The following NPSR1 variants were observed in gnomAD, a reference collection of about 807,000 sequenced individuals.
NPSR1 encodes the protein neuropeptide S receptor 1, also known as neuropeptide S receptor.
In NPSR1, 48 loss-of-function variants were observed where a neutral mutation model predicts 46.9. That is an observed-to-expected ratio of 1.02 (90% CI 0.81 to 1.30). The LOEUF (loss-of-function observed/expected upper bound fraction) is 1.30, where lower values mean the gene tolerates loss of function less well. Among genes scored for constraint, NPSR1 ranks in the 50% most tolerant of loss-of-function variants. NPSR1 has a pLI of 0.00. For synonymous variants in NPSR1, 176 were observed against 168.1 expected (o/e 1.05, Z -0.36); for missense variants, 450 against 449.5 (o/e 1.00, Z -0.01).
intron 2 of NPSR1, among the ~76,000 whole-genome samples, chr7:34,696,320 G>T (rs186487692): frequency 1.3e-5 from 2 of 152,166 alleles, no homozygotes; most frequent in Middle Eastern, 3.4e-3. Context: ...AGAGAGAAAG[G>T]TGGGAGGTGA....
chr7:34,815,352 C>T (rs1056191114), intron 4 of NPSR1, among the ~76,000 whole-genome samples: 28 of 151,956 alleles, frequency 1.8e-4, no homozygotes, highest in African/African-American at 6.3e-4. Flanking sequence ...TGAAATAAAG[C>T]GAGAAGACAT....
At chr7:34,827,945 T>C (rs1419868) in intron 5 of NPSR1, among the ~76,000 whole-genome samples, 97,646 of 152,130 alleles carry the variant, frequency 0.64, 33,031 homozygotes, top group African/African-American at 0.86. Context: ...AAGTAACTTA[T>C]TCAACATCAA....
chr7:34,814,536 C>T (rs1289088284), intron 4 of NPSR1, among the ~76,000 whole-genome samples: 2 of 152,240 alleles, frequency 1.3e-5, no homozygotes, highest in Non-Finnish European at 2.9e-5. Context: ...CTGAAGAGCA[C>T]AGTGGTTCTT....
chr7:34,747,469 A>C (rs988428978), intron 2 of NPSR1, among the ~76,000 whole-genome samples: 1 of 152,246 alleles, frequency 6.6e-6, no homozygotes, highest in African/African-American at 2.4e-5. Context: ...CTTTGTGACA[A>C]AGCCCGTGGC....
intron 1 of NPSR1, among the ~76,000 whole-genome samples, chr7:34,683,765 A>G (rs1792780615): frequency 6.6e-6 from 1 of 152,114 alleles, no homozygotes; most frequent in Admixed American, 6.5e-5. Flanking sequence ...CTCCCACAAT[A>G]ACAACATTAA....
intron 2 of NPSR1, among the ~76,000 whole-genome samples, chr7:34,709,087 C>T (rs1424107265): frequency 1.3e-5 from 2 of 152,170 alleles, no homozygotes; most frequent in Non-Finnish European, 2.9e-5. Flanking sequence ...CCAGGAGTTG[C>T]AGGGTCATTC....
At chr7:34,697,128 G>A (rs1019650938) in intron 2 of NPSR1, among the ~76,000 whole-genome samples, 1 of 151,582 alleles carries the variant, frequency 6.6e-6, no homozygotes, top group Non-Finnish European at 1.5e-5. Context: ...TGAGTACATT[G>A]GATTCTTTAT....
At chr7:34,769,639 T>G (rs183380560) in intron 2 of NPSR1, among the ~76,000 whole-genome samples, 1 of 152,306 alleles carries the variant, frequency 6.6e-6, no homozygotes, top group East Asian at 1.9e-4. Flanking sequence ...GAATCAATAT[T>G]CTGCATTCCT....
intron 2 of NPSR1, among the ~76,000 whole-genome samples, chr7:34,695,102 C>T (rs1160299022): frequency 6.6e-6 from 1 of 152,170 alleles, no homozygotes; most frequent in African/African-American, 2.4e-5. Context: ...CAGCATGATA[C>T]TGGTACAAAA....
intron 2 of NPSR1, among the ~76,000 whole-genome samples, chr7:34,717,426 C>T (rs544308626): frequency 2.6e-5 from 4 of 152,316 alleles, no homozygotes; most frequent in African/African-American, 7.2e-5. Flanking sequence ...CCACTGCGCC[C>T]GGCCACATAA....
chr7:34,811,138 G>T (rs941740849), intron 3 of NPSR1, among the ~76,000 whole-genome samples: 12 of 152,272 alleles, frequency 7.9e-5, no homozygotes, highest in South Asian at 6.2e-4. Flanking sequence ...AACCAGCTCA[G>T]TGCCCTCTTG....
chr7:34,813,140 C>A (rs1234415620), intron 4 of NPSR1, among the ~76,000 whole-genome samples: 1 of 152,138 alleles, frequency 6.6e-6, no homozygotes, highest in East Asian at 1.9e-4. Flanking sequence ...TATTGTGGCA[C>A]TGCCTACAAT....
At chr7:34,779,833 A>C (rs1787153577) in intron 3 of NPSR1, 1 of 206,722 alleles carries the variant, frequency 4.8e-6, no homozygotes, top group African/African-American at 2.3e-5. Context: ...AACATTTATT[A>C]TCTCACAGTT....
chr7:34,721,110 G>A (rs747451013), intron 2 of NPSR1, among the ~76,000 whole-genome samples: 16 of 152,124 alleles, frequency 1.1e-4, no homozygotes, highest in Non-Finnish European at 1.9e-4. Flanking sequence ...AAAAAGGCAG[G>A]GAGGGTAAAG....
chr7:34,728,528 CTG>C (rs1308285339), intron 2 of NPSR1, among the ~76,000 whole-genome samples: 1 of 152,208 alleles, frequency 6.6e-6, no homozygotes, highest in Non-Finnish European at 1.5e-5. Context: ...TTAAAAATAA[CTG>C]GACTTTGATC....
chr7:34,822,891 GT>G (rs1454416754), intron 4 of NPSR1, among the ~76,000 whole-genome samples: 3 of 151,788 alleles, frequency 2.0e-5, no homozygotes, highest in Non-Finnish European at 4.4e-5. Flanking sequence ...GGAAAATATA[GT>G]TTTTTACTAC....
chr7:34,674,211 C>A (rs908332589), intron 1 of NPSR1, among the ~76,000 whole-genome samples: 5 of 152,144 alleles, frequency 3.3e-5, no homozygotes, highest in Non-Finnish European at 7.4e-5. Context: ...GGGATGACCT[C>A]CTGAATGACA....
intron 2 of NPSR1, among the ~76,000 whole-genome samples, chr7:34,706,116 T>A (rs1244203957): frequency 6.6e-6 from 1 of 152,084 alleles, no homozygotes; most frequent in African/African-American, 2.4e-5. Flanking sequence ...AAAAAAAATC[T>A]AAAGTCAGTC....
intron 2 of NPSR1, among the ~76,000 whole-genome samples, chr7:34,755,374 A>G (rs531624378): frequency 2.6e-5 from 4 of 152,372 alleles, no homozygotes; most frequent in Non-Finnish European, 4.4e-5. Context: ...GCAAATACGT[A>G]GAATGATTTA....
Sources: allele counts gnomAD v4.1 joint callset (sites outside exome capture counted in the v4.1 genomes callset), GRCh38; gene constraint gnomAD v4.1.1; transcripts MANE v1.5; gene names NCBI Gene and HGNC (gene_info 2026-07-23, HGNC 2026-07-21).